Variants in MUC6 observed in about 807,000 individuals in gnomAD.
MUC6 encodes the protein mucin-6.
Under a neutral mutation model 201.5 loss-of-function variants are expected in MUC6, and 188 were observed. The observed-to-expected ratio is 0.93, with a 90% CI of 0.83 to 1.05. MUC6 has a LOEUF of 1.05. Ranked by LOEUF, MUC6 falls within the 50% of genes least tolerant of loss-of-function variation. The pLI is 0.00. For missense variants in MUC6, 2,706 were observed against 3,256.9 expected, an observed-to-expected ratio of 0.83 and a Z score of 4.12; for synonymous variants, 1,228 against 1,389.4, an observed-to-expected ratio of 0.88 and a Z score of 2.58.
Position 1,026,408 on chromosome 11 carries a change from A to C in MUC6, c.2465T>G (p.Val822Gly). The change falls in exon 20 of 33, where the codon GTG becomes GGG. Residue 822 changes from valine (V) to glycine (G), a missense_variant. This residue lies in a region of MUC6 where 1,850 missense variants were observed against 1,958.3 expected (regional missense o/e 0.94). Coordinates refer to ENST00000421673, the MANE Select transcript of MUC6 (RefSeq NM_005961.3). ...GLYENADGQCVPPEECPCEFS... is the reference protein window; with the variant it reads ...GLYENADGQCGPPEECPCEFS... ...CTCACATGGGCACTCCTCGGGGGGCACACACTGCCCGTCGGCATTCTCGTA... is the reference window on the plus strand; with the variant it reads ...CTCACATGGGCACTCCTCGGGGGGCCCACACTGCCCGTCGGCATTCTCGTA... 1 of 1,608,388 alleles carries C rather than the reference A, an allele frequency of 6.2e-7. No homozygotes were observed. Among genetic ancestry groups the C allele is most frequent in the Non-Finnish European group, 8.5e-7 (1 of 1,178,300 alleles).
At chr11:1,018,896 C>T (rs1856745676) in intron 30 of MUC6, 126 bp from the exon 31 acceptor site, 2 of 1,278,474 alleles carry the variant, frequency 1.6e-6, no homozygotes, top group East Asian at 4.8e-5. Flanking sequence ...TGTGACATGG[C>T]CCCTGCTGGG....
At chr11:1,014,393 G>A (rs1448688440) in intron 31 of MUC6, among the ~76,000 whole-genome samples, 1 of 152,174 alleles carries the variant, frequency 6.6e-6, no homozygotes, top group Non-Finnish European at 1.5e-5. Context: ...CAGGGGGGCC[G>A]AGGACACCGT....
At position 1,030,457 on chromosome 11, in the gene MUC6, C is replaced by T. The variant is rs1327527531; in HGVS notation, c.892+116G>A. 8 of 1,416,468 alleles carry T rather than the reference C, an allele frequency of 5.6e-6. No individual in the cohort carries two copies. The African/African-American group carries it at 8.6e-5, about 15-fold the overall frequency. 87.7% of individuals were successfully genotyped at this position (1,416,468 alleles called of 1,614,324 possible). On this transcript the variant is annotated intron_variant, in intron 7 of 32. Coordinates refer to ENST00000421673, the MANE Select transcript of MUC6 (RefSeq NM_005961.3). ...CATCTAGAAGCAGCAGCGAGGATCT[C>T]CTGTCTCTCAGACCAGGAGGGATGC...
chr11:1,021,190 T>A (rs773295277), intron 27 of MUC6, 25 bp downstream of exon 27: 3 of 1,553,270 alleles, frequency 1.9e-6, no homozygotes, highest in Non-Finnish European at 2.6e-6. Flanking sequence ...GGGGCAGGGT[T>A]CTCAGGGCAG....
chr11:1,029,099 C>A lies in MUC6; in HGVS notation c.1327G>T (p.Gly443Cys), dbSNP rs200621075. 6.2e-7 allele frequency: 1 copy of A among 1,612,682 alleles called. No homozygotes were observed. Among genetic ancestry groups the A allele is most frequent in the East Asian group, 2.2e-5 (1 of 44,870 alleles). ...AGGGAGGTCTCGGAGTGTGAGACGC[C>A]GGACTTGTCGTACACAGCCATGAGG... ...GALMAVYDKS[G>C]VSHSETSLVA... The change falls in exon 11 of 33, where the codon GGC (glycine) becomes TGC (cysteine). Residue 443 changes from glycine (G) to cysteine (C), a missense_variant. Physicochemically the swap from Gly to Cys is radical, Grantham distance 159 (BLOSUM62 -3). Coordinates refer to ENST00000421673, the MANE Select transcript of MUC6 (RefSeq NM_005961.3).
At chr11:1,029,442 G>T in intron 9 of MUC6, 53 bp downstream of exon 9, 1 of 1,606,046 alleles carries the variant, frequency 6.2e-7, no homozygotes, top group Non-Finnish European at 8.5e-7. Flanking sequence ...GCCTGCCCTA[G>T]GCCAGTGGAA....
intron 7 of MUC6, 110 bp from the exon 8 acceptor site, chr11:1,030,445 C>T: frequency 7.0e-7 from 1 of 1,419,290 alleles, no homozygotes; most frequent in Non-Finnish European, 9.4e-7. Flanking sequence ...CTAGAAGCAG[C>T]AGCGAGGATC....
rs1161532717 is a variant in MUC6 at position 1,027,551 on chromosome 11, G to C, written c.1982-34C>G. On this transcript the variant is annotated intron_variant, in intron 16 of 32. Coordinates refer to ENST00000421673, the MANE Select transcript of MUC6 (RefSeq NM_005961.3). Reference sequence around the variant, plus strand: ...GACCCGGGCATCAGACTCTCCGGGAGGGGGCGGCCGGGAGGGCAATCTCGG... The same window carrying C: ...GACCCGGGCATCAGACTCTCCGGGACGGGGCGGCCGGGAGGGCAATCTCGG... 14 of 1,607,122 alleles carry C rather than the reference G, an allele frequency of 8.7e-6. No individual in the cohort carries two copies. The East Asian group carries it at 3.1e-4, about 36-fold the overall frequency.
rs746331709 is a variant in MUC6, at chr11:1,015,921, C to T, written c.6880G>A (p.Gly2294Ser). ...GFVSLTSGVTGIPTSPVTNLT... is the reference protein window; with the variant it reads ...GFVSLTSGVTSIPTSPVTNLT... ...TTGGTGACTGGAGAGGTGGGGATAC[C>T]CGTCACCCCCGAGGTGAGTGACACA... The change falls in exon 31 of 33, where the codon GGT (glycine) becomes AGT (serine). Residue 2294 changes from glycine to serine, a missense_variant. By Grantham distance (56) the Gly-to-Ser change is moderately conservative (BLOSUM62 0). Coordinates refer to ENST00000421673, the MANE Select transcript of MUC6 (RefSeq NM_005961.3). The T allele has an allele frequency of 3.7e-6, 6 of 1,601,518 alleles. No homozygotes were observed. The highest frequency in any genetic ancestry group is 3.4e-5 in the Admixed American group (2 of 59,304).
At position 1,019,312 on chromosome 11, in the gene MUC6, T is replaced by G. The variant is rs770883255; in HGVS notation, c.3993A>C (p.Leu1331=). The change falls in exon 30 of 33, where the codon CTA becomes CTC. Residue 1331 remains leucine (L), a synonymous_variant. Transcript: ENST00000421673. ...TTGTCCCTGATGTGGCTGGGGTTGG[T>G]AGTGTCATTGTGGTCCGTGTTGTGG... ...AQSTTRTTMT[L]PTPATSGTSP... The G allele has an allele frequency of 6.2e-7, 1 of 1,613,778 alleles. No individual in the cohort carries two copies. Among genetic ancestry groups the G allele is most frequent in the South Asian group, 1.1e-5 (1 of 91,074 alleles).
intron 24 of MUC6, among the ~76,000 whole-genome samples, chr11:1,024,309 C>T (rs1397050363): frequency 2.0e-5 from 3 of 152,206 alleles, no homozygotes; most frequent in African/African-American, 7.2e-5. Flanking sequence ...GACCCGAGCT[C>T]ACGCCTTGAG....
chr11:1,029,671 CCT>C, intron 8 of MUC6, 56 bp from the exon 9 acceptor site: 1 of 1,513,544 alleles, frequency 6.6e-7, no homozygotes, highest in Non-Finnish European at 8.8e-7. Flanking sequence ...CCCACTCTCC[CCT>C]CCCTGGCTCC....
chr11:1,014,599 C>T (rs948214276), intron 31 of MUC6, among the ~76,000 whole-genome samples: 6 of 152,150 alleles, frequency 3.9e-5, no homozygotes, highest in African/African-American at 7.2e-5. Flanking sequence ...CAGGGTGGAC[C>T]GATGCAGGCA....
At position 1,033,095 on chromosome 11, in the gene MUC6, A is replaced by G. The variant is rs778537892; in HGVS notation, c.53-20T>C. ...CCAGACCTGTGTGGACGGGACCCGC[A>G]GTCGGTGTGGGGCTACCCCGTCGTC... On this transcript the variant is annotated intron_variant, in intron 1 of 32. Coordinates refer to ENST00000421673, the MANE Select transcript of MUC6 (RefSeq NM_005961.3). The surrounding 1 kb of genome is among the most constrained non-coding windows in gnomAD (Gnocchi z 5.6). 6.2e-7 allele frequency: 1 copy of G among 1,612,908 alleles called. No homozygotes were observed. Among genetic ancestry groups the G allele is most frequent in the Admixed American group, 1.7e-5 (1 of 59,984 alleles).
At chr11:1,035,982 G>T (rs1163319153) in intron 1 of MUC6, among the ~76,000 whole-genome samples, 2 of 152,128 alleles carry the variant, frequency 1.3e-5, no homozygotes, top group African/African-American at 2.4e-5. Context: ...AGGGCAGGCG[G>T]TTGGCAGAGG....
Position 1,031,617 on chromosome 11 carries a change from C to T in MUC6, c.473G>A (p.Ser158Asn). The stretch of plus-strand genomic sequence containing the variant: ...CCCTTCTCTCCTCACCATGAGGTGG[C>T]TGTCAGGACCCCACACGACTTCCAG... ...LELEVVWGPDSHLMVLVERKY... is the reference protein window; with the variant it reads ...LELEVVWGPDNHLMVLVERKY... Residue 158 changes from serine to asparagine, a missense_variant, in exon 4 of 33, where the codon AGC (serine) becomes AAC (asparagine). By Grantham distance (46) the Ser-to-Asn change is conservative (BLOSUM62 1). Coordinates refer to ENST00000421673, the MANE Select transcript of MUC6 (RefSeq NM_005961.3). 6.5e-7 allele frequency: 1 copy of T among 1,548,706 alleles called. No homozygotes were observed. Among genetic ancestry groups the T allele is most frequent in the South Asian group, 1.2e-5 (1 of 84,002 alleles).
Position 1,013,472 on chromosome 11 carries a change from A to C in MUC6, c.7304T>G (p.Val2435Gly). The change falls in exon 33 of 33, where the codon GTG becomes GGG. Residue 2435 changes from valine (V) to glycine (G), a missense_variant. By Grantham distance (109) the Val-to-Gly change is moderately radical. Coordinates refer to ENST00000421673, the MANE Select transcript of MUC6 (RefSeq NM_005961.3). ...GCGACCCTGCTAGTCTCCACAGGCC[A>C]CAGAGCTGCACACGCAGTGGCTGAA... Reference protein sequence around the residue: ...QVFSHCVCSSVACGD With the variant: ...QVFSHCVCSSGACGD 6.3e-7 allele frequency: 1 copy of C among 1,583,580 alleles called. No homozygotes were observed. The highest frequency in any genetic ancestry group is 8.6e-7 in the Non-Finnish European group (1 of 1,166,416).
Position 1,027,158 on chromosome 11 carries a change from C to T in MUC6, c.2267G>A (p.Arg756Gln), listed in dbSNP as rs377516493. The T allele has an allele frequency of 2.0e-4, 324 of 1,612,526 alleles. No homozygotes were observed. The highest frequency in any genetic ancestry group is 2.5e-4 in the Non-Finnish European group (294 of 1,179,806). ...GTACGTACCCAGGAACATCTGTGGC[C>T]GCTGCGGGCAACTCAGCCGCCCGTT... ...CINGRLSCPQ[R>Q]PQMFLASCQA... The change falls in exon 18 of 33, where the codon CGG becomes CAG. Residue 756 changes from arginine (R) to glutamine (Q), a missense_variant. This residue lies in a region of MUC6 where 1,850 missense variants were observed against 1,958.3 expected (regional missense o/e 0.94). Transcript: ENST00000421673.
chr11:1,023,847 C>T (rs1245090481), intron 25 of MUC6, 100 bp downstream of exon 25: 2 of 1,495,686 alleles, frequency 1.3e-6, no homozygotes, highest in Non-Finnish European at 1.8e-6. Flanking sequence ...CGGCGCCTGT[C>T]CAGGGAGAGG....
Sources: allele counts gnomAD v4.1 joint callset (sites outside exome capture counted in the v4.1 genomes callset), GRCh38; gene constraint gnomAD v4.1.1; regional missense constraint gnomAD v4.1.1; non-coding constraint Gnocchi (gnomAD v3.1); transcripts MANE v1.5; gene names NCBI Gene and HGNC (gene_info 2026-07-23, HGNC 2026-07-21).